Variants in C1orf146 observed in about 807,000 individuals in gnomAD.
C1orf146 encodes protein SPO16 homolog.
Under a neutral mutation model 23.0 loss-of-function variants are expected in C1orf146, and 22 were observed. That is an observed-to-expected ratio of 0.96 (90% CI 0.68 to 1.36). The LOEUF (loss-of-function observed/expected upper bound fraction) is 1.36. Among genes scored for constraint, C1orf146 ranks in the 40% most tolerant of loss-of-function variants. C1orf146 has a pLI of 0.00. For synonymous variants in C1orf146, 59 were observed against 65.3 expected (o/e 0.90, Z 0.47); for missense variants, 199 against 206.8 (o/e 0.96, Z 0.23).
At chr1:92,227,135 G>T (rs1177257249) in intron 1 of C1orf146, among the ~76,000 whole-genome samples, 1 of 151,952 alleles carries the variant, frequency 6.6e-6, no homozygotes, top group Non-Finnish European at 1.5e-5. Context: ...CTTATTTGTA[G>T]TCATTCTTGA....
At chr1:92,229,195 C>A in intron 1 of C1orf146, 1 of 538,430 alleles carries the variant, frequency 1.9e-6, no homozygotes, top group Non-Finnish European at 3.7e-6. Context: ...GCAGTGATTG[C>A]CTTCTGCATC....
chr1:92,233,590 A>C (rs1236239770), intron 2 of C1orf146, among the ~76,000 whole-genome samples: 29 of 151,228 alleles, frequency 1.9e-4, no homozygotes, highest in Non-Finnish European at 3.5e-4. Flanking sequence ...CTTGGCAATG[A>C]GGGCTCTTTT....
chr1:92,235,122 T>G (rs1652243813), intron 2 of C1orf146, among the ~76,000 whole-genome samples: 1 of 152,130 alleles, frequency 6.6e-6, no homozygotes, highest in Non-Finnish European at 1.5e-5. Flanking sequence ...ACTTCTGCTC[T>G]GATTTTAGTT....
In C1orf146 at chr1:92,219,505, T is replaced by TTC. The variant is rs1553129357; in HGVS notation, c.-40+1458_-40+1459insCT. 1.2e-4 allele frequency among the ~76,000 whole-genome samples: 16 copies of TTC among 132,300 alleles called. No homozygotes were observed. The East Asian group carries it at 3.1e-3, about 25-fold the overall frequency. 86.8% of individuals were successfully genotyped at this position (132,300 alleles called of 152,430 possible). A position where few individuals can be genotyped will look rare whatever the true frequency, so the allele number is the denominator to read the frequency against. ...AAGTGACTTTCTCTTTCTTTTTTTT[T>TTC]TTTTTTTTTTTTTTTTAAGACAGAG... is the stretch of plus-strand genomic sequence containing the variant. On this transcript the variant is annotated intron_variant, in intron 1 of 5. Transcript: ENST00000370375.
intron 2 of C1orf146, among the ~76,000 whole-genome samples, chr1:92,237,722 C>A (rs922042743): frequency 3.3e-5 from 5 of 152,164 alleles, no homozygotes; most frequent in African/African-American, 1.2e-4. Context: ...CATCTTGGCT[C>A]CTCCCCCATA....
intron 2 of C1orf146, 34 bp downstream of exon 2, chr1:92,231,520 TA>T (rs780669037): frequency 3.5e-6 from 5 of 1,446,766 alleles, no homozygotes; most frequent in South Asian, 1.2e-5. Flanking sequence ...ATCTTTAACT[TA>T]AAAAAATTAA....
At chr1:92,229,263 AG>A (rs1331276831) in intron 1 of C1orf146, 1 of 556,244 alleles carries the variant, frequency 1.8e-6, no homozygotes, top group Non-Finnish European at 3.6e-6. Context: ...GTTGGCGTAC[AG>A]GTCTTTGAAG....
At chr1:92,240,407 C>G (rs1355297228) in intron 2 of C1orf146, among the ~76,000 whole-genome samples, 1 of 152,068 alleles carries the variant, frequency 6.6e-6, no homozygotes, top group African/African-American at 2.4e-5. Flanking sequence ...CTTCAGCAGG[C>G]GGGTTGGCCT....
intron 1 of C1orf146, among the ~76,000 whole-genome samples, chr1:92,219,794 A>G (rs1226727130): frequency 1.3e-5 from 2 of 152,114 alleles, no homozygotes; most frequent in Non-Finnish European, 2.9e-5. Flanking sequence ...AGCTTGAATT[A>G]TAGGTGTGTG....
chr1:92,220,883 T>C (rs1261339109), intron 1 of C1orf146, among the ~76,000 whole-genome samples: 1 of 152,218 alleles, frequency 6.6e-6, no homozygotes, highest in Admixed American at 6.5e-5. Context: ...GCATTTCTGT[T>C]GAGCATACAT....
At chr1:92,219,670 G>T (rs1224188531) in intron 1 of C1orf146, among the ~76,000 whole-genome samples, 2 of 151,778 alleles carry the variant, frequency 1.3e-5, no homozygotes, top group Non-Finnish European at 2.9e-5. Flanking sequence ...TAGAGACAGG[G>T]TCTTGCTATG....
chr1:92,229,848 G>A (rs1199040554), intron 1 of C1orf146, among the ~76,000 whole-genome samples: 1 of 152,004 alleles, frequency 6.6e-6, no homozygotes, highest in Non-Finnish European at 1.5e-5. Context: ...AAAGTAATAG[G>A]AAAATGGGCA....
chr1:92,243,232 CT>C (rs1369619334), intron 3 of C1orf146, among the ~76,000 whole-genome samples: 1 of 152,084 alleles, frequency 6.6e-6, no homozygotes, highest in African/African-American at 2.4e-5. Context: ...CTCAGACTGT[CT>C]CCCACATCGT....
At chr1:92,229,487 T>G in intron 1 of C1orf146, 1 of 469,220 alleles carries the variant, frequency 2.1e-6, no homozygotes, top group Admixed American at 2.6e-5. Context: ...TTCTGTGAGC[T>G]GTACCCTTGT....
Position 92,242,877 on chromosome 1 carries a change from T to C in C1orf146, c.160+572T>C, listed in dbSNP as rs183873117. The stretch of plus-strand genomic sequence containing the variant: ...TGCTTGAGAAATGACAGAAGTGATT[T>C]TTAAAAAGGTAGAGGTAAAGGATTT... On this transcript the variant is annotated intron_variant, in intron 3 of 5. Coordinates refer to ENST00000370375, the MANE Select transcript of C1orf146 (RefSeq NM_001012425.2). Among the ~76,000 whole-genome samples the C allele has an allele frequency of 1.2e-4, 18 of 152,148 alleles. 1 individual carries two copies. The highest frequency in any genetic ancestry group is 4.1e-4 in the African/African-American group (17 of 41,516).
chr1:92,240,210 G>T (rs963065199), intron 2 of C1orf146, among the ~76,000 whole-genome samples: 5 of 152,198 alleles, frequency 3.3e-5, no homozygotes, highest in Admixed American at 3.3e-4. Context: ...TTCGTCAAAA[G>T]ATCTGTTCAG....
rs1652593828 is a variant in C1orf146, at chr1:92,245,578, A to G, written c.447A>G (p.Arg149=). 6.3e-7 allele frequency: 1 copy of G among 1,599,562 alleles called. No individual in the cohort carries two copies. The highest frequency in any genetic ancestry group is 2.3e-5 in the East Asian group (1 of 43,954). Residue 149 remains arginine (R), a synonymous_variant, in exon 6 of 6, where the codon AGA becomes AGG. Coordinates refer to ENST00000370375, the MANE Select transcript of C1orf146 (RefSeq NM_001012425.2). ...SKPYIDSICY[R]MITAKAYIIE... ...CATACATAGATAGCATTTGCTACAG[A>G]ATGATAACAGCTAAAGCTTACATCA...
chr1:92,232,056 T>A (rs1448368125), intron 2 of C1orf146, among the ~76,000 whole-genome samples: 1 of 152,194 alleles, frequency 6.6e-6, no homozygotes, highest in Non-Finnish European at 1.5e-5. Context: ...GGTTTTATGC[T>A]TTTTGCTGTA....
At chr1:92,234,833 G>A (rs1652235731) in intron 2 of C1orf146, among the ~76,000 whole-genome samples, 2 of 152,318 alleles carry the variant, frequency 1.3e-5, no homozygotes, top group South Asian at 4.1e-4. Context: ...TCCTGGTTTA[G>A]TCTTGGGAGA....
Sources: allele counts gnomAD v4.1 joint callset (sites outside exome capture counted in the v4.1 genomes callset), GRCh38; gene constraint gnomAD v4.1.1; transcripts MANE v1.5; gene names NCBI Gene and HGNC (gene_info 2026-07-23, HGNC 2026-07-21).